Variants in CUL1 observed in about 807,000 individuals in gnomAD.
CUL1 encodes cullin 1.
CUL1 carries 24 observed loss-of-function variants against 118.0 expected under a neutral mutation model. That is an observed-to-expected ratio of 0.20 (90% CI 0.15 to 0.29). The LOEUF is 0.29. CUL1 is among the 10% of genes least tolerant of loss of function. The probability of loss-of-function intolerance (pLI) is 1.00; values close to 1 mark genes in which losing one functional copy is unlikely to be tolerated. For missense variants in CUL1, 361 were observed against 933.8 expected (o/e 0.39, Z 7.99); for synonymous variants, 332 against 340.4 (o/e 0.98, Z 0.27).
At chr7:148,796,273 A>G (rs908105068) in intron 17 of CUL1, among the ~76,000 whole-genome samples, 30 of 152,172 alleles carry the variant, frequency 2.0e-4, no homozygotes, top group Non-Finnish European at 4.3e-4. Context: ...AATATGGTGT[A>G]TTGCACTGAT....
intron 2 of CUL1, among the ~76,000 whole-genome samples, chr7:148,738,873 G>A (rs1051612256): frequency 2.6e-5 from 4 of 151,760 alleles, no homozygotes; most frequent in African/African-American, 4.8e-5. Flanking sequence ...GTCATAGTTC[G>A]TTTTTCTACT....
chr7:148,698,143 G>GT (rs1248815911), upstream of CUL1: 1 of 152,258 alleles, frequency 6.6e-6, no homozygotes, highest in African/African-American at 2.4e-5. Flanking sequence ...GGCCTTGCAG[G>GT]TGGTAAGGGG....
At chr7:148,759,453 T>C (rs1456685648) in intron 5 of CUL1, 95 bp from the exon 6 acceptor site, 1 of 1,423,862 alleles carries the variant, frequency 7.0e-7, no homozygotes, top group Non-Finnish European at 9.9e-7. Context: ...TATCCCATCT[T>C]ACATTGTTTA....
chr7:148,761,126 G>A (rs939848243), intron 7 of CUL1, among the ~76,000 whole-genome samples: 1 of 152,126 alleles, frequency 6.6e-6, no homozygotes, highest in African/African-American at 2.4e-5. Context: ...CTGGGCCTCC[G>A]AAAGTGCTGG....
In CUL1 at chr7:148,787,050, T is replaced by A; in HGVS notation, c.1409T>A (p.Leu470His). The change falls in exon 13 of 22, where the codon CTC becomes CAC. Residue 470 changes from leucine (L) to histidine (H), a missense_variant. Transcript: ENST00000325222. This position sits in a 1 kb window ranked among gnomAD's most constrained non-coding sequence, Gnocchi z 5.5. Reference sequence around the variant, plus strand: ...TTTCAGAAGTTCTATGCGAAGATGCTCGCCAAGAGGCTCGTCCACCAGAAC... The same window carrying A: ...TTTCAGAAGTTCTATGCGAAGATGCACGCCAAGAGGCTCGTCCACCAGAAC... ...DVFQKFYAKM[L>H]AKRLVHQNSA... The A allele has an allele frequency of 6.2e-7, 1 of 1,613,784 alleles. No individual in the cohort carries two copies. Among genetic ancestry groups the A allele is most frequent in the Non-Finnish European group, 8.5e-7 (1 of 1,179,858 alleles).
At chr7:148,770,045 A>G (rs1800157135) in intron 9 of CUL1, among the ~76,000 whole-genome samples, 1 of 152,240 alleles carries the variant, frequency 6.6e-6, no homozygotes, top group Non-Finnish European at 1.5e-5. Flanking sequence ...CAGCTGCCTG[A>G]TATTTTAGGC....
chr7:148,742,243 T>G (rs1034624516), intron 2 of CUL1, among the ~76,000 whole-genome samples: 56 of 152,134 alleles, frequency 3.7e-4, no homozygotes, highest in Non-Finnish European at 1.5e-4. Flanking sequence ...GACTGGGTAA[T>G]TTATGAAGGA....
chr7:148,719,435 A>G (rs1278287010), intron 1 of CUL1, among the ~76,000 whole-genome samples: 3 of 152,226 alleles, frequency 2.0e-5, no homozygotes, highest in South Asian at 2.1e-4. Context: ...AGTTTTATAT[A>G]GAAAGGGATA....
intron 16 of CUL1, among the ~76,000 whole-genome samples, chr7:148,792,171 G>C (rs1801036525): frequency 7.2e-6 from 1 of 138,138 alleles, no homozygotes; most frequent in Non-Finnish European, 1.5e-5. Context: ...GGGTGACAGA[G>C]CAAGACTTTG....
At chr7:148,783,305 C>G in intron 9 of CUL1, 1 of 984,986 alleles carries the variant, frequency 1.0e-6, no homozygotes, top group Non-Finnish European at 1.2e-6. Flanking sequence ...GGATCCGCGC[C>G]TCTGGTTTGC....
At chr7:148,768,352 T>C (rs1034832871) in intron 9 of CUL1, among the ~76,000 whole-genome samples, 1 of 151,110 alleles carries the variant, frequency 6.6e-6, no homozygotes, top group Admixed American at 6.6e-5. Flanking sequence ...CAGTTGTAAC[T>C]GGGAGAACAA....
At chr7:148,698,102 T>G (rs1051938895), upstream of CUL1, 17 of 152,216 alleles carry the variant, frequency 1.1e-4, no homozygotes, top group African/African-American at 3.9e-4. Context: ...AACACGCAGA[T>G]AAGCTCGAGC....
intron 3 of CUL1, among the ~76,000 whole-genome samples, chr7:148,754,420 A>T (rs1205706834): frequency 9.9e-5 from 15 of 151,744 alleles, no homozygotes; most frequent in Admixed American, 9.8e-4. Flanking sequence ...TGATCCTTCC[A>T]CTTCGGCCTC....
At chr7:148,704,495 C>G (rs1269758125) in intron 1 of CUL1, among the ~76,000 whole-genome samples, 6 of 152,114 alleles carry the variant, frequency 3.9e-5, no homozygotes, top group Non-Finnish European at 5.9e-5. Context: ...AAAAAAATGA[C>G]TACTAGATTA....
intron 1 of CUL1, among the ~76,000 whole-genome samples, chr7:148,703,925 A>G (rs1291700709): frequency 6.6e-6 from 1 of 152,234 alleles, no homozygotes; most frequent in Non-Finnish European, 1.5e-5. Flanking sequence ...TTTAAGAACC[A>G]AAAAGTAACA....
chr7:148,703,520 GT>G (rs1211496339), intron 1 of CUL1, among the ~76,000 whole-genome samples: 1 of 149,422 alleles, frequency 6.7e-6, no homozygotes, highest in Non-Finnish European at 1.5e-5. Flanking sequence ...ACTAGTGAAG[GT>G]TTTTTTGTTT....
At chr7:148,788,697 G>A (rs1800901811) in intron 14 of CUL1, 23 bp downstream of exon 14, 1 of 1,488,112 alleles carries the variant, frequency 6.7e-7, no homozygotes, top group Admixed American at 1.7e-5. Context: ...GTGTCTCTAT[G>A]TTGTGTTTAC....
chr7:148,761,588 T>G (rs1799832339), intron 7 of CUL1, among the ~76,000 whole-genome samples: 1 of 152,226 alleles, frequency 6.6e-6, no homozygotes, highest in Non-Finnish European at 1.5e-5. Flanking sequence ...TCAGCAAACT[T>G]ATCTTGTAAA....
rs185032744 is a variant in CUL1, at chr7:148,787,351, A to G, written c.1479+231A>G. 2.3e-3 allele frequency among the ~76,000 whole-genome samples: 348 copies of G among 152,124 alleles called. 4 individuals are homozygous for G. The highest frequency in any genetic ancestry group is 4.0e-3 in the Non-Finnish European group (270 of 67,970). On this transcript the variant is annotated intron_variant, in intron 13 of 21. Coordinates refer to ENST00000325222, the MANE Select transcript of CUL1 (RefSeq NM_003592.3). This position sits in a 1 kb window ranked among gnomAD's most constrained non-coding sequence, Gnocchi z 5.5. ...GTGGTGGGCGCCTGTAGTCCCAGCT[A>G]CTTGGGAGGCTGAGGCAGGAGAATG... is the stretch of plus-strand genomic sequence containing the variant.
Sources: allele counts gnomAD v4.1 joint callset (sites outside exome capture counted in the v4.1 genomes callset), GRCh38; gene constraint gnomAD v4.1.1; non-coding constraint Gnocchi (gnomAD v3.1); transcripts MANE v1.5; gene names NCBI Gene and HGNC (gene_info 2026-07-23, HGNC 2026-07-21).